RBPJ: variants seen among roughly 807,000 people sequenced by gnomAD.
RBPJ encodes the protein recombination signal binding protein for immunoglobulin kappa J region.
In RBPJ, 9 loss-of-function variants were observed where a neutral mutation model predicts 67.8. The ratio of observed to expected loss-of-function variants is 0.13; its 90% confidence interval spans 0.08 to 0.23. RBPJ has a LOEUF of 0.23. RBPJ is among the 10% of genes least tolerant of loss of function. The pLI is 1.00. For missense variants in RBPJ, 305 were observed against 595.6 expected (o/e 0.51, Z 5.08); for synonymous variants, 198 against 203.3 (o/e 0.97, Z 0.22).
chr4:26,141,936 C>T, the RBPJ span, among the ~76,000 whole-genome samples: 1 of 152,196 alleles, frequency 6.6e-6, no homozygotes, highest in Non-Finnish European at 1.5e-5. Flanking sequence ...AAAGCTGTGC[C>T]GGAATTTGCA....
intron 3 of RBPJ, among the ~76,000 whole-genome samples, chr4:26,413,705 A>AG (rs1400834550): frequency 6.6e-6 from 1 of 152,188 alleles, no homozygotes; most frequent in African/African-American, 2.4e-5. Context: ...GTAGAGGCTG[A>AG]GGGGGAAGCA....
chr4:26,175,320 G>A (rs974058351), intron 1 of RBPJ, among the ~76,000 whole-genome samples: 14 of 151,994 alleles, frequency 9.2e-5, no homozygotes, highest in Admixed American at 2.0e-4. Context: ...TGCATGACTC[G>A]GGAGAGCAGA....
At chr4:26,225,954 C>A (rs1379026053) in intron 1 of RBPJ, among the ~76,000 whole-genome samples, 1 of 151,728 alleles carries the variant, frequency 6.6e-6, no homozygotes, top group Non-Finnish European at 1.5e-5. Context: ...TCAAGACCAG[C>A]CTTGCCAACA....
chr4:26,192,208 C>A (rs1717586617), intron 1 of RBPJ, among the ~76,000 whole-genome samples: 1 of 152,048 alleles, frequency 6.6e-6, no homozygotes, highest in Non-Finnish European at 1.5e-5. Context: ...GGGTTTCAAC[C>A]ATGTTGGCCA....
chr4:26,151,413 C>T, the RBPJ span, among the ~76,000 whole-genome samples: 1 of 152,172 alleles, frequency 6.6e-6, no homozygotes, highest in Non-Finnish European at 1.5e-5. Flanking sequence ...CAACTCCTTC[C>T]ATATTTACTA....
chr4:26,400,435 A>G (rs755426460), intron 2 of RBPJ, among the ~76,000 whole-genome samples: 3 of 152,248 alleles, frequency 2.0e-5, no homozygotes, highest in Admixed American at 6.5e-5. Flanking sequence ...CAGTGCTGAG[A>G]TAGAAATCCT....
intron 2 of RBPJ, among the ~76,000 whole-genome samples, chr4:26,397,334 C>T (rs1732224651): frequency 6.6e-6 from 1 of 152,244 alleles, no homozygotes; most frequent in South Asian, 2.1e-4. Flanking sequence ...TGCCTTTTGG[C>T]AGCATCCCCA....
At chr4:26,342,933 AT>A (rs1725697428) in intron 1 of RBPJ, among the ~76,000 whole-genome samples, 1 of 152,062 alleles carries the variant, frequency 6.6e-6, no homozygotes, top group African/African-American at 2.4e-5. Flanking sequence ...CATGTCATCC[AT>A]TCTTTCTATT....
At chr4:26,248,015 G>A (rs1026835036) in intron 1 of RBPJ, among the ~76,000 whole-genome samples, 3 of 151,954 alleles carry the variant, frequency 2.0e-5, no homozygotes, top group African/African-American at 7.2e-5. Flanking sequence ...AAATAAAGGC[G>A]AGGCATGGTG....
the RBPJ span, among the ~76,000 whole-genome samples, chr4:26,145,452 G>C: frequency 3.9e-5 from 6 of 152,178 alleles, no homozygotes; most frequent in African/African-American, 1.4e-4. Flanking sequence ...CTTCATGTCA[G>C]TTACTGTTCT....
rs1733584201 is a variant in RBPJ at position 26,407,783 on chromosome 4, ATGTATGTGATT to A, written c.155+1514_155+1524del. The stretch of plus-strand genomic sequence containing the variant: ...ATGCTTAAGAGAAGGGAAATGTAAT[ATGTATGTGATT>A]AAATTAATTTACATGTTAAAAGAGA... On this transcript the variant is annotated intron_variant, in intron 3 of 10. Transcript: ENST00000355476. Among the ~76,000 whole-genome samples the A allele has an allele frequency of 2.0e-5, 3 of 151,368 alleles. No homozygotes were observed. The South Asian group carries it at 6.3e-4, about 32-fold the overall frequency.
At chr4:26,343,899 C>T (rs764415593) in intron 1 of RBPJ, among the ~76,000 whole-genome samples, 6 of 151,480 alleles carry the variant, frequency 4.0e-5, no homozygotes, top group Non-Finnish European at 7.4e-5. Flanking sequence ...TACAGGCGCC[C>T]GCCACCACAC....
intron 1 of RBPJ, among the ~76,000 whole-genome samples, chr4:26,164,395 A>G (rs1156572225): frequency 6.6e-6 from 1 of 152,202 alleles, no homozygotes; most frequent in Non-Finnish European, 1.5e-5. Flanking sequence ...GGTATTTCAG[A>G]AACAATACAA....
In RBPJ at chr4:26,305,619, G is replaced by C. The variant is rs1034787121; in HGVS notation, c.-166-56827G>C. 3.9e-5 allele frequency among the ~76,000 whole-genome samples: 6 copies of C among 152,000 alleles called. No individual in the cohort carries two copies. The East Asian group carries it at 1.2e-3, about 29-fold the overall frequency. ...TTAATACTCATGCTATTGGAAATGG[G>C]ATTGTTTTCTTAGTTTAATTTTCAG... On this transcript the variant is annotated intron_variant, in intron 1 of 4. Coordinates refer to the RBPJ transcript ENST00000512351.
At chr4:26,340,700 A>G (rs1725421023) in intron 1 of RBPJ, among the ~76,000 whole-genome samples, 1 of 152,076 alleles carries the variant, frequency 6.6e-6, no homozygotes, top group African/African-American at 2.4e-5. Context: ...TCTACTAAAA[A>G]TATAATAAAT....
intron 3 of RBPJ, among the ~76,000 whole-genome samples, chr4:26,413,529 T>TA (rs758181220): frequency 5.3e-5 from 8 of 152,242 alleles, no homozygotes; most frequent in Non-Finnish European, 1.0e-4. Flanking sequence ...CAGTATCTGT[T>TA]ACACACTCAG....
chr4:26,121,873 C>CTTTTTTTT, the RBPJ span, among the ~76,000 whole-genome samples: 3 of 94,106 alleles, frequency 3.2e-5, no homozygotes, highest in Admixed American at 1.2e-4. Context: ...GAGTATCTCT[C>CTTTTTTTT]TTTTTTTTTT....
At chr4:26,367,175 G>A (rs1024931701) in intron 1 of RBPJ, among the ~76,000 whole-genome samples, 1 of 150,678 alleles carries the variant, frequency 6.6e-6, no homozygotes, top group Non-Finnish European at 1.5e-5. Context: ...ATAAAATGAT[G>A]ATGCACGCTA....
Position 26,430,167 on chromosome 4 carries a change from G to C in RBPJ, c.1044+114G>C. On this transcript the variant is annotated intron_variant, in intron 9 of 10. Transcript: ENST00000355476. This position sits in a 1 kb window ranked among gnomAD's most constrained non-coding sequence, Gnocchi z 4.1. ...ATTTTTCTCCAATCGTCTGATTAGG[G>C]GATTTTTATATACACCATTTGTTGA... 1 of 1,248,920 alleles carries C rather than the reference G, an allele frequency of 8.0e-7. No homozygotes were observed. The highest frequency in any genetic ancestry group is 1.2e-6 in the Non-Finnish European group (1 of 861,926). 77.4% of individuals were successfully genotyped at this position (1,248,920 alleles called of 1,614,324 possible).
Sources: gnomAD v4.1 joint callset for allele counts (sites outside exome capture counted in the v4.1 genomes callset) on GRCh38, gnomAD v4.1.1 for gene constraint, Gnocchi (gnomAD v3.1) non-coding constraint, MANE v1.5 for transcripts, NCBI Gene and HGNC (gene_info 2026-07-23, HGNC 2026-07-21) for gene names.